IFT88: variants seen among roughly 807,000 people sequenced by gnomAD.
IFT88 encodes intraflagellar transport 88.
In IFT88, 74 loss-of-function variants were observed where a neutral mutation model predicts 119.5. The observed-to-expected ratio is 0.62, with a 90% CI of 0.51 to 0.75. The LOEUF (loss-of-function observed/expected upper bound fraction) is 0.75, where lower values mean the gene tolerates loss of function less well. Among genes scored for constraint, IFT88 ranks in the 30% least tolerant of loss-of-function variants. The pLI, the probability that IFT88 is intolerant of heterozygous loss-of-function variation, is 0.00. For synonymous variants in IFT88, 279 were observed against 316.7 expected (o/e 0.88, Z 1.26); for missense variants, 961 against 977.7 (o/e 0.98, Z 0.23).
chr13:20,644,996 A>T (rs1171665564), intron 20 of IFT88, 38 bp downstream of exon 20: 1 of 972,122 alleles, frequency 1.0e-6, no homozygotes, highest in Non-Finnish European at 1.6e-6. Context: ...AGTTAATGTC[A>T]TGTCTTGAGT....
chr13:20,588,298 G>A (rs897567509), intron 3 of IFT88, among the ~76,000 whole-genome samples: 12 of 151,558 alleles, frequency 7.9e-5, no homozygotes, highest in Admixed American at 2.6e-4. Flanking sequence ...TTCATTTTCC[G>A]TTGCTATTAC....
intron 16 of IFT88, among the ~76,000 whole-genome samples, chr13:20,635,070 A>G (rs1040238414): frequency 9.9e-5 from 15 of 151,030 alleles, no homozygotes; most frequent in African/African-American, 3.7e-4. Context: ...TGTCCTGGCA[A>G]TAGTTTGCTG....
chr13:20,579,226 C>T (rs886995666), intron 2 of IFT88, among the ~76,000 whole-genome samples: 11 of 152,200 alleles, frequency 7.2e-5, no homozygotes, highest in African/African-American at 2.7e-4. Context: ...GTATCCTTCC[C>T]TTAAGTCAAC....
Position 20,631,104 on chromosome 13 carries a change from T to G in IFT88, c.1386+2T>G. The stretch of plus-strand genomic sequence containing the variant: ...AATCTCTCAGCCCTGTATTATATGG[T>G]AAGTTTTTTTACTACTAAGAGTTAA... On this transcript the variant is annotated splice_donor_variant, in intron 16 of 25. Coordinates refer to ENST00000351808, the MANE Select transcript of IFT88 (RefSeq NM_006531.5). LOFTEE classifies it high-confidence loss of function. 6.4e-7 allele frequency: 1 copy of G among 1,559,684 alleles called. No homozygotes were observed. Among genetic ancestry groups the G allele is most frequent in the Non-Finnish European group, 8.8e-7 (1 of 1,130,292 alleles).
intron 14 of IFT88, among the ~76,000 whole-genome samples, chr13:20,623,442 T>C (rs1416924087): frequency 1.3e-5 from 2 of 152,192 alleles, no homozygotes; most frequent in Non-Finnish European, 2.9e-5. Context: ...TTCTGGTCCA[T>C]AAACATGGGA....
At chr13:20,602,541 C>T (rs1448578690) in intron 12 of IFT88, among the ~76,000 whole-genome samples, 3 of 152,078 alleles carry the variant, frequency 2.0e-5, no homozygotes, top group African/African-American at 7.2e-5. Context: ...CTTATTTCAC[C>T]TATTAAGAGC....
At chr13:20,687,022 CAAAAAAAAAA>C (rs370247448) in intron 24 of IFT88, among the ~76,000 whole-genome samples, 5 of 59,834 alleles carry the variant, frequency 8.4e-5, no homozygotes, top group Admixed American at 6.5e-4. Flanking sequence ...ACTTTCTTAC[CAAAAAAAAAA>C]AAAAAAAAAA....
chr13:20,644,166 A>G (rs927205981), intron 19 of IFT88, among the ~76,000 whole-genome samples: 10 of 152,152 alleles, frequency 6.6e-5, no homozygotes, highest in Non-Finnish European at 1.5e-4. Flanking sequence ...CAAGAGATGA[A>G]GAACAGCCTA....
chr13:20,571,985 C>T (rs1404792494), intron 1 of IFT88, among the ~76,000 whole-genome samples: 2 of 152,162 alleles, frequency 1.3e-5, no homozygotes, highest in African/African-American at 2.4e-5. Flanking sequence ...ACAAGAATGA[C>T]TCAAATTTGT....
At chr13:20,576,027 A>G (rs1475846249) in intron 2 of IFT88, among the ~76,000 whole-genome samples, 1 of 152,180 alleles carries the variant, frequency 6.6e-6, no homozygotes, top group Non-Finnish European at 1.5e-5. Context: ...TCTCACCACC[A>G]TTTGTTATTA....
chr13:20,628,062 T>C (rs1257720854), intron 15 of IFT88, among the ~76,000 whole-genome samples: 2 of 152,216 alleles, frequency 1.3e-5, no homozygotes, highest in African/African-American at 4.8e-5. Context: ...TTGAAAGAAA[T>C]ATTATTAAGT....
chr13:20,615,554 A>G lies in IFT88; in HGVS notation c.1113-239A>G, dbSNP rs143586738. Among the ~76,000 whole-genome samples the G allele has an allele frequency of 9.8e-3, 1,486 of 152,302 alleles. 25 individuals carry two copies. Among genetic ancestry groups the G allele is most frequent in the African/African-American group, 0.034 (1,394 of 41,562 alleles). On this transcript the variant is annotated intron_variant, in intron 13 of 25. Coordinates refer to ENST00000351808, the MANE Select transcript of IFT88 (RefSeq NM_006531.5). ...AGTTTGTCAGAAGGCATCATAAAGCAGAAAAAGAAAAGAAATGAACACCGT... is the reference window on the plus strand; with the variant it reads ...AGTTTGTCAGAAGGCATCATAAAGCGGAAAAAGAAAAGAAATGAACACCGT...
intron 1 of IFT88, among the ~76,000 whole-genome samples, chr13:20,573,688 C>T (rs544422666): frequency 6.6e-6 from 1 of 152,300 alleles, no homozygotes; most frequent in African/African-American, 2.4e-5. Context: ...TCTGGTTGCT[C>T]CACATTTTTG....
At position 20,615,790 on chromosome 13, in the gene IFT88, T is replaced by C. The variant is rs758748404; in HGVS notation, c.1113-3T>C. 3.8e-6 allele frequency: 6 copies of C among 1,571,190 alleles called. No individual in the cohort carries two copies. In the South Asian group the frequency reaches 5.8e-5, roughly 15 times the overall value. On this transcript the variant is annotated splice_polypyrimidine_tract_variant and splice_region_variant and intron_variant, in intron 13 of 25. Transcript: ENST00000351808. Reference sequence around the variant, plus strand: ...ATACAACTTTTTGGTTTATTTGATATAGGAAAGCCATGGCAGAAAAATATA... The same window carrying C: ...ATACAACTTTTTGGTTTATTTGATACAGGAAAGCCATGGCAGAAAAATATA...
chr13:20,591,718 A>G (rs2040716752), intron 6 of IFT88, 37 bp downstream of exon 6: 1 of 1,252,144 alleles, frequency 8.0e-7, no homozygotes, highest in South Asian at 1.3e-5. Context: ...TCTTTTTTGG[A>G]TCTTTTAATC....
At chr13:20,589,981 AT>A (rs2040382660) in intron 4 of IFT88, 114 bp downstream of exon 4, 2 of 536,818 alleles carry the variant, frequency 3.7e-6, no homozygotes, top group Admixed American at 2.8e-5. Flanking sequence ...TATATTTTCT[AT>A]TTTGGATACT....
At chr13:20,584,462 C>G (rs1010771780) in intron 3 of IFT88, among the ~76,000 whole-genome samples, 1 of 152,040 alleles carries the variant, frequency 6.6e-6, no homozygotes, top group Admixed American at 6.6e-5. Flanking sequence ...ATTTGCTTTT[C>G]TAATTTTTAA....
Position 20,591,608 on chromosome 13 carries a change from C to G in IFT88, c.265-10C>G. 6.2e-7 allele frequency: 1 copy of G among 1,604,842 alleles called. No homozygotes were observed. The highest frequency in any genetic ancestry group is 8.5e-7 in the Non-Finnish European group (1 of 1,172,428). ...TATTTAAGAATAAATGATTCCCATT[C>G]TCTTTAAAGGATGGAGTTACTAGAC... On this transcript the variant is annotated splice_polypyrimidine_tract_variant and intron_variant, in intron 5 of 25. Transcript: ENST00000351808.
chr13:20,646,342 G>A (rs59405062), intron 20 of IFT88, among the ~76,000 whole-genome samples: 393 of 145,594 alleles, frequency 2.7e-3, no homozygotes, highest in African/African-American at 9.0e-3. Flanking sequence ...TTGCTTTGTC[G>A]CCCAGGCTGG....
Sources: gnomAD v4.1 joint callset for allele counts (sites outside exome capture counted in the v4.1 genomes callset) on GRCh38, gnomAD v4.1.1 for gene constraint, MANE v1.5 for transcripts, NCBI Gene and HGNC (gene_info 2026-07-23, HGNC 2026-07-21) for gene names.